The following RPF1 variants were observed in gnomAD, a reference collection of about 807,000 sequenced individuals.
RPF1 encodes the protein ribosome production factor 1 homolog, also known as ribosome production factor 1.
RPF1 carries 34 observed loss-of-function variants against 41.9 expected under a neutral mutation model. The observed-to-expected ratio is 0.81, with a 90% CI of 0.62 to 1.08. RPF1 has a LOEUF of 1.08. Among genes scored for constraint, RPF1 ranks in the 50% least tolerant of loss-of-function variants. RPF1 has a pLI of 0.00. For synonymous variants in RPF1, 140 were observed against 148.9 expected (o/e 0.94, Z 0.43); for missense variants, 425 against 435.2 (o/e 0.98, Z 0.21).
Position 84,489,735 on chromosome 1 carries a change from A to G in RPF1, c.462+7A>G. 1 of 1,448,848 alleles carries G rather than the reference A, an allele frequency of 6.9e-7. No individual in the cohort carries two copies. Among genetic ancestry groups the G allele is most frequent in the Non-Finnish European group, 9.7e-7 (1 of 1,029,896 alleles). 89.7% of individuals were successfully genotyped at this position (1,448,848 alleles called of 1,614,324 possible). Reference sequence around the variant, plus strand: ...ATCAGATAGACCTCATGGGGTAAACACATTGATTAATTTAGTTCTTGAATT... The same window carrying G: ...ATCAGATAGACCTCATGGGGTAAACGCATTGATTAATTTAGTTCTTGAATT... On this transcript the variant is annotated splice_region_variant and intron_variant, in intron 4 of 8. Coordinates refer to ENST00000370654, the MANE Select transcript of RPF1 (RefSeq NM_025065.7).
intron 1 of RPF1, among the ~76,000 whole-genome samples, chr1:84,480,353 A>G (rs565331788): frequency 6.6e-6 from 1 of 152,286 alleles, no homozygotes; most frequent in Admixed American, 6.5e-5. Context: ...GGTGCTGGGG[A>G]AAAAAGAATA....
intron 3 of RPF1, among the ~76,000 whole-genome samples, chr1:84,488,022 A>C (rs1181915609): frequency 6.6e-6 from 1 of 151,894 alleles, no homozygotes; most frequent in African/African-American, 2.4e-5. Context: ...TTTCTGGGCT[A>C]TTTGCTTCGT....
chr1:84,492,972 CTT>C (rs966032725), intron 5 of RPF1, among the ~76,000 whole-genome samples: 2 of 152,198 alleles, frequency 1.3e-5, no homozygotes, highest in African/African-American at 4.8e-5. Context: ...TCTTCAGCCT[CTT>C]TTCCTCATTA....
At chr1:84,479,567 G>C (rs1451543848) in intron 1 of RPF1, 58 bp downstream of exon 1, 10 of 1,505,982 alleles carry the variant, frequency 6.6e-6, no homozygotes, top group Non-Finnish European at 9.2e-6. Flanking sequence ...GCTTAGGGCG[G>C]TCGCGGGGCG....
chr1:84,495,195 T>C (rs1321498520), intron 5 of RPF1, among the ~76,000 whole-genome samples, 178 bp from the exon 6 acceptor site: 1 of 152,206 alleles, frequency 6.6e-6, no homozygotes, highest in Non-Finnish European at 1.5e-5. Flanking sequence ...TCTTGAAAGA[T>C]TTTGACTGAT....
intron 2 of RPF1, among the ~76,000 whole-genome samples, chr1:84,481,642 T>G (rs1309942869): frequency 6.6e-6 from 1 of 152,228 alleles, no homozygotes; most frequent in South Asian, 2.1e-4. Flanking sequence ...AATTTGGCTG[T>G]ATTTGTGGTA....
In RPF1 at chr1:84,495,447, G is replaced by C. The variant is rs372282343; in HGVS notation, c.691G>C (p.Glu231Gln). The C allele has an allele frequency of 7.1e-7, 1 of 1,405,188 alleles. No individual in the cohort carries two copies. Among genetic ancestry groups the C allele is most frequent in the African/African-American group, 1.4e-5 (1 of 69,528 alleles). The allele number at this position is 1,405,188 out of a possible 1,614,324, so 87.0% of individuals were successfully genotyped here. A position where few individuals can be genotyped will look rare whatever the true frequency, so the allele number is the denominator to read the frequency against. Residue 231 changes from glutamate (E) to glutamine (Q), a missense_variant, in exon 6 of 9, where the codon GAA becomes CAA. Coordinates refer to ENST00000370654, the MANE Select transcript of RPF1 (RefSeq NM_025065.7). ...FKMSSVRLRK[E>Q]IKRRGKDPTE... ...AATGAGCAGTGTTCGTCTTCGTAAA[G>C]AAATTAAGGTAAGTTTTATACATTT...
intron 5 of RPF1, among the ~76,000 whole-genome samples, chr1:84,493,167 A>T (rs1437606896): frequency 1.3e-5 from 2 of 152,100 alleles, no homozygotes; most frequent in African/African-American, 4.8e-5. Context: ...TCTAGAAAGG[A>T]TTTAAGCCTT....
At chr1:84,481,418 G>A (rs1681644687) in intron 2 of RPF1, among the ~76,000 whole-genome samples, 1 of 152,196 alleles carries the variant, frequency 6.6e-6, no homozygotes, top group Non-Finnish European at 1.5e-5. Context: ...CCCAGGTTAG[G>A]CCTGGAGCTT....
intron 1 of RPF1, 132 bp downstream of exon 1, chr1:84,479,641 C>G: frequency 1.2e-6 from 1 of 812,120 alleles, no homozygotes; most frequent in Admixed American, 2.8e-5. Flanking sequence ...AGGGTGGCGT[C>G]GCGGCCCACG....
At chr1:84,483,503 G>A (rs1355474407) in intron 3 of RPF1, among the ~76,000 whole-genome samples, 2 of 152,198 alleles carry the variant, frequency 1.3e-5, no homozygotes, top group Non-Finnish European at 2.9e-5. Flanking sequence ...CTGATCACAG[G>A]TGATCCGCCC....
Position 84,483,487 on chromosome 1 carries a change from G to A in RPF1, c.366+492G>A, listed in dbSNP as rs986020438. Among the ~76,000 whole-genome samples the A allele has an allele frequency of 3.2e-4, 48 of 152,034 alleles. 1 individual carries two copies. The highest frequency in any genetic ancestry group is 1.1e-3 in the African/African-American group (45 of 41,400). Reference sequence around the variant, plus strand: ...TCACCACGTTGGCCAGGCTGGTCTCGAACTCCTGATCACAGGTGATCCGCC... The same window carrying A: ...TCACCACGTTGGCCAGGCTGGTCTCAAACTCCTGATCACAGGTGATCCGCC... On this transcript the variant is annotated intron_variant, in intron 3 of 8. Transcript: ENST00000370654.
At chr1:84,479,741 C>T (rs1014355738) in intron 1 of RPF1, among the ~76,000 whole-genome samples, 1 of 152,214 alleles carries the variant, frequency 6.6e-6, no homozygotes, top group Non-Finnish European at 1.5e-5. Flanking sequence ...TAGGCTCTTT[C>T]CTGGGACGCT....
chr1:84,494,087 G>T (rs1212002884), intron 5 of RPF1, among the ~76,000 whole-genome samples: 1 of 152,126 alleles, frequency 6.6e-6, no homozygotes, highest in East Asian at 1.9e-4. Context: ...TCCCATAGCT[G>T]GTTACTTATA....
intron 4 of RPF1, 59 bp from the exon 5 acceptor site, chr1:84,490,260 C>T (rs1681808312): frequency 8.8e-7 from 1 of 1,141,996 alleles, no homozygotes; most frequent in Non-Finnish European, 1.2e-6. Context: ...ATATGTACCA[C>T]ATAAGATTTT....
intron 5 of RPF1, among the ~76,000 whole-genome samples, chr1:84,491,632 A>C (rs1681836799): frequency 6.6e-6 from 1 of 152,226 alleles, no homozygotes; most frequent in African/African-American, 2.4e-5. Context: ...AATTATTTTT[A>C]AGGTAGTTGC....
At chr1:84,481,410 C>G (rs1040979780) in intron 2 of RPF1, among the ~76,000 whole-genome samples, 2 of 152,212 alleles carry the variant, frequency 1.3e-5, no homozygotes, top group Admixed American at 6.5e-5. Flanking sequence ...GAAGCTCCCC[C>G]AGGTTAGGCC....
Position 84,482,896 on chromosome 1 carries a change from TC to T in RPF1, c.286-16del. 1 of 1,506,720 alleles carries T rather than the reference TC, an allele frequency of 6.6e-7. No individual in the cohort carries two copies. The highest frequency in any genetic ancestry group is 9.2e-7 in the Non-Finnish European group (1 of 1,089,782). 93.3% of individuals were successfully genotyped at this position (1,506,720 alleles called of 1,614,324 possible). A position where few individuals can be genotyped will look rare whatever the true frequency, so the allele number is the denominator to read the frequency against. ...AATGTAAAATCCTTCTAAAATGTAA[TC>T]CCTTCTCTTTTACTTAGGCTCCACC... On this transcript the variant is annotated intron_variant, in intron 2 of 8. Transcript: ENST00000370654.
At position 84,495,895 on chromosome 1, in the gene RPF1, AC is replaced by A. The variant is rs1246074783; in HGVS notation, c.717del (p.Thr240GlnfsTer7). 6.3e-7 allele frequency: 1 copy of A among 1,597,652 alleles called. No individual in the cohort carries two copies. Among genetic ancestry groups the A allele is most frequent in the Non-Finnish European group, 8.5e-7 (1 of 1,171,002 alleles). ...TTATTTTTCTAGAGAAGAGGCAAGG[AC>A]CCCACAGAACACATACCTGAAATAA... ...LRKEIKRRGKDPTEHIPEIIL... is the reference protein window; with the variant it reads ...LRKEIKRRGKXPTEHIPEIIL... On this transcript the variant is annotated frameshift_variant, in exon 7 of 9. Transcript: ENST00000370654. LOFTEE classifies it high-confidence loss of function.
Sources: allele counts gnomAD v4.1 joint callset (sites outside exome capture counted in the v4.1 genomes callset), GRCh38; gene constraint gnomAD v4.1.1; transcripts MANE v1.5; gene names NCBI Gene and HGNC (gene_info 2026-07-23, HGNC 2026-07-21).